ASRGL1: variants seen among roughly 807,000 people sequenced by gnomAD.
ASRGL1 encodes isoaspartyl peptidase/L-asparaginase.
A neutral mutation model predicts 22.4 loss-of-function variants in ASRGL1; 16 were observed. That is an observed-to-expected ratio of 0.71 (90% CI 0.48 to 1.08). ASRGL1 has a LOEUF of 1.08. Ranked by LOEUF, ASRGL1 falls within the 50% of genes least tolerant of loss-of-function variation. ASRGL1 has a pLI of 0.00. For missense variants in ASRGL1, 412 were observed against 410.1 expected (o/e 1.00, Z -0.04); for synonymous variants, 165 against 159.3 (o/e 1.04, Z -0.27).
rs905791609 is a variant in ASRGL1, at chr11:62,358,284, C to T, written c.491+1140C>T. 3.4e-5 allele frequency among the ~76,000 whole-genome samples: 5 copies of T among 149,064 alleles called. No individual in the cohort carries two copies. In the East Asian group the frequency reaches 8.1e-4, roughly 24 times the overall value. The stretch of plus-strand genomic sequence containing the variant: ...ACTCGGGAGGCTGAGGCAGGAGAAT[C>T]GCTTGAACCCGGGAGGCAGAGGTTG... On this transcript the variant is annotated intron_variant, in intron 4 of 6. Coordinates refer to ENST00000415229, the MANE Select transcript of ASRGL1 (RefSeq NM_001083926.2).
chr11:62,348,303 A>C (rs550704586), intron 2 of ASRGL1, among the ~76,000 whole-genome samples: 1 of 152,240 alleles, frequency 6.6e-6, no homozygotes, highest in African/African-American at 2.4e-5. Flanking sequence ...TGGAGTTAGT[A>C]CTCATCATCT....
rs540895707 is a variant in ASRGL1 at position 62,352,562 on chromosome 11, C to T, written c.191-3763C>T. Among the ~76,000 whole-genome samples, 13 of 152,170 alleles carry T rather than the reference C, an allele frequency of 8.5e-5. No homozygotes were observed. In the South Asian group the frequency reaches 1.0e-3, roughly 12 times the overall value. Reference sequence around the variant, plus strand: ...TCACACCACGGCACTCCAGCCTGGGCGACGGAGTGAAACTGTGTCTAAAAA... The same window carrying T: ...TCACACCACGGCACTCCAGCCTGGGTGACGGAGTGAAACTGTGTCTAAAAA... On this transcript the variant is annotated intron_variant, in intron 2 of 6. Transcript: ENST00000415229.
chr11:62,383,285 C>T (rs1267623369), intron 4 of ASRGL1: 3 of 152,090 alleles, frequency 2.0e-5, no homozygotes, highest in Non-Finnish European at 4.4e-5. Flanking sequence ...GCCATTTTGT[C>T]AATAGAAGTC....
chr11:62,391,874 A>G, intron 6 of ASRGL1: 1 of 737,190 alleles, frequency 1.4e-6, no homozygotes, highest in East Asian at 2.7e-5. Flanking sequence ...TTGAGCCTGG[A>G]TGTGGGAGGG....
downstream of ASRGL1, among the ~76,000 whole-genome samples, chr11:62,395,557 GGATTGT>G (rs920255638): frequency 1.3e-5 from 2 of 151,930 alleles, no homozygotes; most frequent in Admixed American, 6.6e-5. Context: ...CTAGCTTGAG[GGATTGT>G]AAACTCTGAG....
At chr11:62,375,456 ATATATATATATATATATATATATAT>A (rs1371546420) in intron 4 of ASRGL1, among the ~76,000 whole-genome samples, 4 of 102,722 alleles carry the variant, frequency 3.9e-5, no homozygotes, top group African/African-American at 1.9e-4. Context: ...ATATATATAT[ATATATATATATATATATATATATAT>A]TTCTTGGAGT....
chr11:62,345,287 G>C (rs527546845), intron 2 of ASRGL1, among the ~76,000 whole-genome samples: 1 of 151,750 alleles, frequency 6.6e-6, no homozygotes, highest in Non-Finnish European at 1.5e-5. Flanking sequence ...AGGAACTCAG[G>C]GTTGTTTTTT....
At chr11:62,375,538 T>C (rs114749742) in intron 4 of ASRGL1, among the ~76,000 whole-genome samples, 1,444 of 135,654 alleles carry the variant, frequency 0.011, 33 homozygotes, top group African/African-American at 0.034. Flanking sequence ...AAAATAAAAA[T>C]AAAAAATAAA....
chr11:62,369,589 C>T (rs1411433365), intron 4 of ASRGL1, among the ~76,000 whole-genome samples: 3 of 152,100 alleles, frequency 2.0e-5, no homozygotes, highest in Non-Finnish European at 4.4e-5. Flanking sequence ...ATGAAATTTA[C>T]AATAATAGTA....
intron 5 of ASRGL1, among the ~76,000 whole-genome samples, chr11:62,390,436 C>T (rs971109555): frequency 6.6e-6 from 1 of 152,184 alleles, no homozygotes; most frequent in African/African-American, 2.4e-5. Context: ...TGCACTTGTC[C>T]TGAGAAGTGC....
chr11:62,371,314 G>T, intron 4 of ASRGL1: 1 of 1,364,972 alleles, frequency 7.3e-7, no homozygotes. Flanking sequence ...CCTGGAGCTC[G>T]ACGGGGCCCC....
intron 2 of ASRGL1, among the ~76,000 whole-genome samples, chr11:62,352,222 T>C (rs1946183377): frequency 6.6e-6 from 1 of 152,124 alleles, no homozygotes. Context: ...TTGCCCACTC[T>C]CATGGGCACA....
chr11:62,373,161 C>T, intron 4 of ASRGL1: 1 of 1,289,478 alleles, frequency 7.8e-7, no homozygotes, highest in Non-Finnish European at 1.1e-6. Context: ...AGAATACAGC[C>T]CCCAAACCCT....
At chr11:62,391,418 C>T (rs1947333117) in intron 5 of ASRGL1, 104 bp from the exon 6 acceptor site, 1 of 1,459,602 alleles carries the variant, frequency 6.9e-7, no homozygotes, top group Non-Finnish European at 9.2e-7. Flanking sequence ...TTTGTCGGTA[C>T]TTGAGCACCC....
chr11:62,392,072 T>A lies in ASRGL1; in HGVS notation c.722-7T>A. On this transcript the variant is annotated splice_polypyrimidine_tract_variant and splice_region_variant and intron_variant, in intron 6 of 6. Transcript: ENST00000415229. Reference sequence around the variant, plus strand: ...TGTGTTGTTTCTCAACCCTTCCTTGTTTTCAGGAAAGACGGTAGAAGAGGC... The same window carrying A: ...TGTGTTGTTTCTCAACCCTTCCTTGATTTCAGGAAAGACGGTAGAAGAGGC... 6.2e-7 allele frequency: 1 copy of A among 1,613,928 alleles called. No homozygotes were observed. The highest frequency in any genetic ancestry group is 8.5e-7 in the Non-Finnish European group (1 of 1,179,782).
chr11:62,342,691 G>A lies in ASRGL1; in HGVS notation c.190+4524G>A, dbSNP rs1270728194. 2.0e-5 allele frequency among the ~76,000 whole-genome samples: 3 copies of A among 152,056 alleles called. No individual in the cohort carries two copies. In the East Asian group the frequency reaches 5.8e-4, roughly 29 times the overall value. On this transcript the variant is annotated intron_variant, in intron 2 of 6. Transcript: ENST00000415229. ...GAGAATCACTTGAACCCAGAAGGGG[G>A]AGGTTGCAGTGGCTCAAGATTATGC... is the stretch of plus-strand genomic sequence containing the variant.
intron 5 of ASRGL1, 148 bp from the exon 6 acceptor site, chr11:62,391,372 CCT>C: frequency 1.6e-6 from 2 of 1,216,766 alleles, no homozygotes; most frequent in South Asian, 3.4e-5. Flanking sequence ...TTCTAGTCCA[CCT>C]TTGCCTCCGC....
At chr11:62,372,946 A>G in intron 4 of ASRGL1, 1 of 1,515,168 alleles carries the variant, frequency 6.6e-7, no homozygotes. Context: ...GTGGCAGCCG[A>G]TGAGAGCACC....
intron 4 of ASRGL1, among the ~76,000 whole-genome samples, chr11:62,386,564 A>C (rs559115730): frequency 2.4e-5 from 2 of 82,888 alleles, no homozygotes; most frequent in East Asian, 7.6e-4. Flanking sequence ...TCAGGCATCC[A>C]CTGAGGGTCT....
Sources: allele counts gnomAD v4.1 joint callset (sites outside exome capture counted in the v4.1 genomes callset), GRCh38; gene constraint gnomAD v4.1.1; transcripts MANE v1.5; gene names NCBI Gene and HGNC (gene_info 2026-07-23, HGNC 2026-07-21).